GALNT14: variants seen among roughly 807,000 people sequenced by gnomAD.
GALNT14 encodes the protein UDP-GalNAc:polypeptide N-acetylgalactosaminyltransferase 14.
A neutral mutation model predicts 77.5 loss-of-function variants in GALNT14; 60 were observed. That is an observed-to-expected ratio of 0.77 (90% CI 0.63 to 0.96). GALNT14 has a LOEUF of 0.96. GALNT14 is among the 40% of genes least tolerant of loss of function. The probability of loss-of-function intolerance (pLI) is 0.00; values close to 1 mark genes in which losing one functional copy is unlikely to be tolerated. For synonymous variants in GALNT14, 280 were observed against 281.7 expected (o/e 0.99, Z 0.06); for missense variants, 710 against 731.0 (o/e 0.97, Z 0.33).
At chr2:30,942,758 A>T (rs1176550283) in intron 8 of GALNT14, among the ~76,000 whole-genome samples, 1 of 152,188 alleles carries the variant, frequency 6.6e-6, no homozygotes, top group Non-Finnish European at 1.5e-5. Flanking sequence ...ACTTGGTAGC[A>T]GCACATCTGT....
intron 2 of GALNT14, among the ~76,000 whole-genome samples, chr2:30,972,353 G>T (rs1326885962): frequency 6.6e-6 from 1 of 152,182 alleles, no homozygotes; most frequent in Non-Finnish European, 1.5e-5. Context: ...AACAGGCCTG[G>T]CGTGGCGTGG....
At chr2:31,034,777 A>G (rs1270678490) in intron 1 of GALNT14, among the ~76,000 whole-genome samples, 1 of 152,050 alleles carries the variant, frequency 6.6e-6, no homozygotes, top group Non-Finnish European at 1.5e-5. Flanking sequence ...CATCTCATAA[A>G]TTTGTATATG....
intron 2 of GALNT14, among the ~76,000 whole-genome samples, chr2:30,975,240 A>G (rs909669042): frequency 6.6e-6 from 1 of 152,206 alleles, no homozygotes; most frequent in African/African-American, 2.4e-5. Flanking sequence ...AAAGGCTGGG[A>G]TGTTCTTGTT....
intron 1 of GALNT14, among the ~76,000 whole-genome samples, chr2:31,060,146 T>C (rs894536580): frequency 2.6e-5 from 4 of 152,212 alleles, no homozygotes; most frequent in African/African-American, 9.6e-5. Context: ...TTGCATAGCC[T>C]GCCCAGGGTG....
intron 1 of GALNT14, among the ~76,000 whole-genome samples, chr2:31,057,956 G>A (rs544646820): frequency 1.3e-5 from 2 of 152,136 alleles, no homozygotes; most frequent in Admixed American, 6.5e-5. Flanking sequence ...GCTCAACACC[G>A]CACCCTGGTA....
intron 13 of GALNT14, among the ~76,000 whole-genome samples, chr2:30,916,727 TGG>T (rs1664702259): frequency 6.6e-6 from 1 of 152,102 alleles, no homozygotes; most frequent in African/African-American, 2.4e-5. Context: ...GCACCCAGCC[TGG>T]GGCTTGTGGT....
intron 2 of GALNT14, among the ~76,000 whole-genome samples, chr2:30,972,104 C>T (rs1445824267): frequency 2.0e-5 from 3 of 152,204 alleles, no homozygotes; most frequent in Non-Finnish European, 4.4e-5. Flanking sequence ...ATTTTATTCT[C>T]CAGCATGAAA....
intron 1 of GALNT14, among the ~76,000 whole-genome samples, chr2:31,075,639 G>A (rs990636764): frequency 1.3e-5 from 2 of 152,162 alleles, no homozygotes; most frequent in Non-Finnish European, 2.9e-5. Context: ...GAGCTATTAG[G>A]GACCACTGCT....
chr2:30,980,944 G>GCATCTAAA (rs1228091511), intron 2 of GALNT14, among the ~76,000 whole-genome samples: 2 of 152,218 alleles, frequency 1.3e-5, no homozygotes, highest in Non-Finnish European at 2.9e-5. Flanking sequence ...TTGGTGACAG[G>GCATCTAAA]CATCTAAAAT....
At chr2:30,961,558 C>T (rs1438826450) in intron 3 of GALNT14, among the ~76,000 whole-genome samples, 1 of 152,174 alleles carries the variant, frequency 6.6e-6, no homozygotes, top group Non-Finnish European at 1.5e-5. Flanking sequence ...AATATTGAAG[C>T]TAATAATAGC....
chr2:30,911,098 A>T (rs752757584), intron 14 of GALNT14, 39 bp from the exon 15 acceptor site: 7 of 1,595,546 alleles, frequency 4.4e-6, no homozygotes, highest in Non-Finnish European at 5.1e-6. Flanking sequence ...ACTAGGTGCC[A>T]TCAGTAACAT....
chr2:30,987,279 G>C (rs1221591618), intron 2 of GALNT14, among the ~76,000 whole-genome samples: 1 of 152,152 alleles, frequency 6.6e-6, no homozygotes, highest in Non-Finnish European at 1.5e-5. Flanking sequence ...AGGTGGGCAT[G>C]GGAAGGTTGC....
chr2:31,126,729 G>A (rs947506647), intron 1 of GALNT14: 1 of 152,152 alleles, frequency 6.6e-6, no homozygotes, highest in East Asian at 1.9e-4. Context: ...GTACCATGGG[G>A]CTACTATACC....
intron 1 of GALNT14, among the ~76,000 whole-genome samples, chr2:31,047,515 G>A (rs895041948): frequency 1.3e-5 from 2 of 152,168 alleles, no homozygotes; most frequent in African/African-American, 4.8e-5. Flanking sequence ...GGTCCTTTCT[G>A]AGGACCCTGT....
At chr2:30,911,306 A>G (rs187417244) in intron 14 of GALNT14, among the ~76,000 whole-genome samples, 212 of 152,276 alleles carry the variant, frequency 1.4e-3, no homozygotes, top group African/African-American at 3.9e-3. Flanking sequence ...TTAGGAGGCA[A>G]TAACTTTCCA....
At chr2:31,069,479 C>T (rs1027347187) in intron 1 of GALNT14, among the ~76,000 whole-genome samples, 1 of 152,166 alleles carries the variant, frequency 6.6e-6, no homozygotes, top group South Asian at 2.1e-4. Flanking sequence ...TGTTATAATC[C>T]CCATTTTACA....
chr2:31,052,457 C>T (rs1346541667), intron 1 of GALNT14, among the ~76,000 whole-genome samples: 1 of 152,198 alleles, frequency 6.6e-6, no homozygotes, highest in Non-Finnish European at 1.5e-5. Flanking sequence ...GCTGATACCA[C>T]CCGCACTCAG....
chr2:31,007,245 G>C (rs1489534442), intron 1 of GALNT14, among the ~76,000 whole-genome samples: 6 of 152,178 alleles, frequency 3.9e-5, no homozygotes, highest in African/African-American at 1.4e-4. Context: ...ATGGCAGTGG[G>C]CTGAGAAGCT....
chr2:30,927,695 A>C (rs1016138723), intron 11 of GALNT14, among the ~76,000 whole-genome samples: 6 of 152,216 alleles, frequency 3.9e-5, no homozygotes, highest in African/African-American at 1.4e-4. Flanking sequence ...TCTGTAAAAC[A>C]GAAGGTGTCA....
Sources: allele counts gnomAD v4.1 joint callset (sites outside exome capture counted in the v4.1 genomes callset), GRCh38; gene constraint gnomAD v4.1.1; transcripts MANE v1.5; gene names NCBI Gene and HGNC (gene_info 2026-07-23, HGNC 2026-07-21).